Variants in TRPC1 observed in about 807,000 individuals in gnomAD.
TRPC1 encodes short transient receptor potential channel 1.
In TRPC1, 42 loss-of-function variants were observed where a neutral mutation model predicts 88.2. That is an observed-to-expected ratio of 0.48 (90% CI 0.37 to 0.62). The LOEUF is 0.62. TRPC1 is among the 20% of genes least tolerant of loss of function. The probability of loss-of-function intolerance (pLI) is 0.00; values close to 1 mark genes in which losing one functional copy is unlikely to be tolerated. For synonymous variants in TRPC1, 288 were observed against 331.8 expected (o/e 0.87, Z 1.43); for missense variants, 699 against 957.3 (o/e 0.73, Z 3.56).
At chr3:142,770,093 CTTTTT>C (rs779905124) in intron 4 of TRPC1, among the ~76,000 whole-genome samples, 2 of 95,262 alleles carry the variant, frequency 2.1e-5, no homozygotes, top group East Asian at 3.6e-4. Context: ...TTGTATGTTC[CTTTTT>C]TTTTTTTTTT....
intron 4 of TRPC1, among the ~76,000 whole-genome samples, chr3:142,765,263 A>G (rs1413968363): frequency 6.6e-6 from 1 of 152,186 alleles, no homozygotes; most frequent in East Asian, 1.9e-4. Flanking sequence ...CAATTTACAG[A>G]TTCAATGCTA....
At chr3:142,793,048 TTC>T (rs1936340097) in intron 9 of TRPC1, 81 bp downstream of exon 9, 1 of 1,216,196 alleles carries the variant, frequency 8.2e-7, no homozygotes, top group Non-Finnish European at 1.1e-6. Context: ...TGGAATACTG[TTC>T]TCTCATGATA....
intron 3 of TRPC1, among the ~76,000 whole-genome samples, chr3:142,746,060 G>C (rs1404479038): frequency 6.6e-6 from 1 of 152,106 alleles, no homozygotes; most frequent in Non-Finnish European, 1.5e-5. Context: ...TATCTTGATA[G>C]CCCTTTTACT....
rs1406199966 is a variant in TRPC1, at chr3:142,724,659, CTGAAGGATGTGCGGGAGG to C, written c.108_125del (p.Asp36_Lys41del). 6.2e-7 allele frequency: 1 copy of C among 1,612,802 alleles called. No individual in the cohort carries two copies. The highest frequency in any genetic ancestry group is 8.5e-7 in the Non-Finnish European group (1 of 1,179,424). On this transcript the variant is annotated inframe_deletion, in exon 1 of 13. Coordinates refer to ENST00000476941, the MANE Select transcript of TRPC1 (RefSeq NM_001251845.2). The surrounding 1 kb of genome is among the most constrained non-coding windows in gnomAD (Gnocchi z 5.6). ...TTCCTCGCCGAACGAGGTGATGGCG[CTGAAGGATGTGCGGGAGG>C]TGAAGGAGGAGAATACGCTGAATGA...
Position 142,792,240 on chromosome 3 carries a change from G to A in TRPC1, c.1438-584G>A, listed in dbSNP as rs1304521733. Among the ~76,000 whole-genome samples, 1 of 151,942 alleles carries A rather than the reference G, an allele frequency of 6.6e-6. No homozygotes were observed. The stretch of plus-strand genomic sequence containing the variant: ...TGATCTCTTTCGTTCTATAAGTGGA[G>A]TACCCATATAATTTTTTATCCAAAT... On this transcript the variant is annotated intron_variant, in intron 8 of 12. Coordinates refer to ENST00000476941, the MANE Select transcript of TRPC1 (RefSeq NM_001251845.2). This position sits in a 1 kb window ranked among gnomAD's most constrained non-coding sequence, Gnocchi z 4.0.
intron 9 of TRPC1, among the ~76,000 whole-genome samples, chr3:142,794,749 T>C (rs1936401917): frequency 6.6e-6 from 1 of 152,112 alleles, no homozygotes; most frequent in Non-Finnish European, 1.5e-5. Context: ...AACCATCTCA[T>C]CCGACGGGAT....
chr3:142,740,393 C>T (rs1444530628), intron 2 of TRPC1, among the ~76,000 whole-genome samples: 1 of 152,166 alleles, frequency 6.6e-6, no homozygotes, highest in Non-Finnish European at 1.5e-5. Flanking sequence ...CCTCATCAGA[C>T]AAACACAGAT....
At chr3:142,739,408 C>A (rs1425935050) in intron 2 of TRPC1, among the ~76,000 whole-genome samples, 1 of 152,122 alleles carries the variant, frequency 6.6e-6, no homozygotes, top group African/African-American at 2.4e-5. Context: ...TATGGTCTTA[C>A]CTATTATGCT....
chr3:142,762,210 A>AT (rs1935204356), intron 4 of TRPC1, among the ~76,000 whole-genome samples: 1 of 151,716 alleles, frequency 6.6e-6, no homozygotes, highest in African/African-American at 2.4e-5. Flanking sequence ...TAATTATTGC[A>AT]TTTTTTGTAG....
intron 5 of TRPC1, 141 bp downstream of exon 5, chr3:142,777,904 C>A: frequency 2.4e-6 from 2 of 834,736 alleles, no homozygotes; most frequent in South Asian, 2.3e-5. Flanking sequence ...TGGCAACAGA[C>A]CCCTGCTCTC....
chr3:142,762,251 G>T (rs1455016762), intron 4 of TRPC1, among the ~76,000 whole-genome samples: 3 of 151,802 alleles, frequency 2.0e-5, no homozygotes, highest in Non-Finnish European at 4.4e-5. Context: ...GCCCAGGCTG[G>T]TCTTGAACTC....
At position 142,724,261 on chromosome 3, in the gene TRPC1, CCA is replaced by C. The variant is rs1933559136; in HGVS notation, c.-295_-294del. The C allele has an allele frequency of 5.9e-6, 1 of 169,028 alleles. No individual in the cohort carries two copies. Among genetic ancestry groups the C allele is most frequent in the African/African-American group, 2.4e-5 (1 of 42,020 alleles). 10.5% of individuals were successfully genotyped at this position (169,028 alleles called of 1,614,324 possible). On this transcript the variant is annotated 5_prime_UTR_variant, in exon 1 of 13. Transcript: ENST00000476941. This position sits in a 1 kb window ranked among gnomAD's most constrained non-coding sequence, Gnocchi z 5.6. ...TGCTCGGCTGCCGCCCTGGCGCGCGCCACACTGTCGTCCCCGGACGGGCGCGG... is the reference window on the plus strand; with the variant it reads ...TGCTCGGCTGCCGCCCTGGCGCGCGCCACTGTCGTCCCCGGACGGGCGCGG...
At chr3:142,761,125 GT>G (rs1469383688) in intron 4 of TRPC1, among the ~76,000 whole-genome samples, 1 of 151,980 alleles carries the variant, frequency 6.6e-6, no homozygotes, top group East Asian at 1.9e-4. Flanking sequence ...CCAATATTAT[GT>G]TGAATAATAG....
intron 1 of TRPC1, among the ~76,000 whole-genome samples, chr3:142,726,798 A>C (rs1298067384): frequency 6.6e-6 from 1 of 152,196 alleles, no homozygotes; most frequent in African/African-American, 2.4e-5. Context: ...CCACCATTAC[A>C]CTGGAGCCTT....
At chr3:142,802,735 C>T (rs1015936836) in intron 10 of TRPC1, among the ~76,000 whole-genome samples, 16 of 152,032 alleles carry the variant, frequency 1.1e-4, no homozygotes, top group African/African-American at 3.9e-4. Context: ...CTCACAGCTT[C>T]AACACTTTTT....
At chr3:142,777,510 ATC>A in intron 4 of TRPC1, 120 bp from the exon 5 acceptor site, 1 of 536,822 alleles carries the variant, frequency 1.9e-6, no homozygotes, top group East Asian at 3.7e-5. Flanking sequence ...TAATAAATAT[ATC>A]TGTAGTTTTT....
intron 4 of TRPC1, among the ~76,000 whole-genome samples, chr3:142,769,234 C>T (rs1935496278): frequency 6.7e-6 from 1 of 148,802 alleles, no homozygotes; most frequent in Non-Finnish European, 1.5e-5. Flanking sequence ...TAAATGATCA[C>T]CACAGTCAAT....
chr3:142,757,233 AT>A (rs1317991011), intron 4 of TRPC1, among the ~76,000 whole-genome samples: 1 of 42,758 alleles, frequency 2.3e-5, no homozygotes, highest in Non-Finnish European at 4.3e-5. Context: ...TCTTTTGGAT[AT>A]ATATATATAT....
intron 9 of TRPC1, among the ~76,000 whole-genome samples, chr3:142,797,465 G>A (rs1381971859): frequency 6.6e-6 from 1 of 152,080 alleles, no homozygotes; most frequent in Non-Finnish European, 1.5e-5. Context: ...ACCAAAGGAG[G>A]GGAGCTCTTG....
Sources: gnomAD v4.1 joint callset for allele counts (sites outside exome capture counted in the v4.1 genomes callset) on GRCh38, gnomAD v4.1.1 for gene constraint, Gnocchi (gnomAD v3.1) non-coding constraint, MANE v1.5 for transcripts, NCBI Gene and HGNC (gene_info 2026-07-23, HGNC 2026-07-21) for gene names.